MAPK10: variants seen among roughly 807,000 people sequenced by gnomAD.
MAPK10 encodes JNK3 alpha protein kinase.
Under a neutral mutation model 59.3 loss-of-function variants are expected in MAPK10, and 25 were observed. That is an observed-to-expected ratio of 0.42 (90% CI 0.31 to 0.59). The LOEUF is 0.59. Among genes scored for constraint, MAPK10 ranks in the 20% least tolerant of loss-of-function variants. MAPK10 has a pLI of 0.15. For missense variants in MAPK10, 351 were observed against 568.9 expected (o/e 0.62, Z 3.90); for synonymous variants, 190 against 200.5 (o/e 0.95, Z 0.44).
At chr4:86,103,078 T>G in intron 6 of MAPK10, 108 bp downstream of exon 6, 1 of 587,194 alleles carries the variant, frequency 1.7e-6, no homozygotes. Flanking sequence ...TTCAACTCTG[T>G]GTGTGTGTGT....
chr4:86,359,288 C>CTCTCTCTCTCTT (rs796310826), intron 1 of MAPK10, among the ~76,000 whole-genome samples: 1 of 94,608 alleles, frequency 1.1e-5, no homozygotes, highest in Non-Finnish European at 2.0e-5. Flanking sequence ...CTCTCTCTCT[C>CTCTCTCTCTCTT]TGTGTGTGTG....
chr4:86,575,184 ACTGATTCTCCC>A (rs773579251), intron 1 of MAPK10, among the ~76,000 whole-genome samples: 4 of 152,240 alleles, frequency 2.6e-5, no homozygotes, highest in Non-Finnish European at 5.9e-5. Flanking sequence ...TAAGATTCGC[ACTGATTCTCCC>A]CTGATTCTCA....
chr4:86,163,391 A>T (rs1350763107), intron 3 of MAPK10, among the ~76,000 whole-genome samples: 1 of 152,120 alleles, frequency 6.6e-6, no homozygotes, highest in Non-Finnish European at 1.5e-5. Context: ...TTTTTTCTTT[A>T]TAAAATGTGC....
chr4:86,335,978 G>A (rs1374860612), intron 2 of MAPK10, among the ~76,000 whole-genome samples: 1 of 152,102 alleles, frequency 6.6e-6, no homozygotes, highest in Non-Finnish European at 1.5e-5. Flanking sequence ...GGGACACAGA[G>A]CCCAACTGTA....
intron 1 of MAPK10, among the ~76,000 whole-genome samples, chr4:86,510,404 C>T (rs1273584877): frequency 6.6e-6 from 1 of 152,052 alleles, no homozygotes; most frequent in Non-Finnish European, 1.5e-5. Context: ...TGAGCCACCA[C>T]CCCTGGCCCA....
At chr4:86,035,178 C>T (rs1238029152) in intron 11 of MAPK10, among the ~76,000 whole-genome samples, 2 of 151,688 alleles carry the variant, frequency 1.3e-5, no homozygotes, top group Non-Finnish European at 2.9e-5. Context: ...CAAGACCAGC[C>T]TGGCCAACAT....
chr4:86,372,568 G>GAAAGAAAGAAAGAAAGA lies in MAPK10; in HGVS notation c.-121-17925_-121-17924insTCTTTCTTTCTTTCTTT, dbSNP rs1411901849. Among the ~76,000 whole-genome samples the GAAAGAAAGAAAGAAAGA allele has an allele frequency of 6.7e-3, 195 of 29,076 alleles. 5 individuals are homozygous for GAAAGAAAGAAAGAAAGA. The highest frequency in any genetic ancestry group is 0.015 in the Non-Finnish European group (139 of 9,098). The allele number at this position is 29,076 out of a possible 152,430, so 19.1% of individuals were successfully genotyped here. ...AGAAAGAAAGAAAGAAAGAAAGAAA[G>GAAAGAAAGAAAGAAAGA]AAAAGAAAAGAAAAGAAAAGAAAAG... is the stretch of plus-strand genomic sequence containing the variant. On this transcript the variant is annotated intron_variant, in intron 1 of 13. Coordinates refer to the MAPK10 transcript ENST00000361569.
chr4:86,390,470 A>T (rs1742051805), intron 1 of MAPK10, among the ~76,000 whole-genome samples: 1 of 152,206 alleles, frequency 6.6e-6, no homozygotes, highest in Non-Finnish European at 1.5e-5. Context: ...CTTGGGCAGG[A>T]TGCTACCTCT....
chr4:86,026,594 G>A (rs374603501), intron 13 of MAPK10: 10 of 152,214 alleles, frequency 6.6e-5, no homozygotes, highest in East Asian at 3.9e-4. Context: ...CATGGGTTTC[G>A]TATTAGAAGT....
chr4:86,155,485 TTAC>T (rs1269953492), intron 4 of MAPK10, among the ~76,000 whole-genome samples: 1 of 151,940 alleles, frequency 6.6e-6, no homozygotes, highest in Admixed American at 6.6e-5. Flanking sequence ...TACATATTCA[TTAC>T]AGTAGTACCC....
intron 1 of MAPK10, among the ~76,000 whole-genome samples, chr4:86,377,545 G>A (rs2148998253): frequency 6.6e-6 from 1 of 152,304 alleles, no homozygotes; most frequent in African/African-American, 2.4e-5. Context: ...CATGAGAGCA[G>A]GGACCTTTCT....
At chr4:86,298,505 G>A (rs540481610) in intron 2 of MAPK10, among the ~76,000 whole-genome samples, 24 of 152,292 alleles carry the variant, frequency 1.6e-4, no homozygotes, top group Admixed American at 5.9e-4. Context: ...AGTTCCTGAT[G>A]ATGCCTTCAC....
chr4:86,036,457 A>G (rs1480720020), intron 11 of MAPK10, among the ~76,000 whole-genome samples: 1 of 152,036 alleles, frequency 6.6e-6, no homozygotes, highest in Non-Finnish European at 1.5e-5. Flanking sequence ...TTCTCTATCT[A>G]GTTAAAGGAA....
intron 1 of MAPK10, among the ~76,000 whole-genome samples, chr4:86,542,832 T>C (rs1405048398): frequency 6.6e-6 from 1 of 152,188 alleles, no homozygotes; most frequent in Non-Finnish European, 1.5e-5. Context: ...GTTTTCCATC[T>C]TGTTTTCATG....
intron 1 of MAPK10, among the ~76,000 whole-genome samples, chr4:86,425,730 T>C (rs2149036916): frequency 6.6e-6 from 1 of 152,318 alleles, no homozygotes; most frequent in South Asian, 2.1e-4. Context: ...CCCAACACTT[T>C]GGGAGGCCAA....
At chr4:86,159,783 G>C (rs2068954868) in intron 3 of MAPK10, among the ~76,000 whole-genome samples, 1 of 151,814 alleles carries the variant, frequency 6.6e-6, no homozygotes, top group East Asian at 1.9e-4. Context: ...AACATCTATA[G>C]CTACTGAACA....
intron 9 of MAPK10, among the ~76,000 whole-genome samples, chr4:86,088,787 T>G (rs2149045277): frequency 6.6e-6 from 1 of 152,294 alleles, no homozygotes; most frequent in Admixed American, 6.5e-5. Flanking sequence ...AACATGAATC[T>G]GATAAAAATT....
At chr4:86,131,740 A>G (rs912558849) in intron 4 of MAPK10, among the ~76,000 whole-genome samples, 1 of 152,334 alleles carries the variant, frequency 6.6e-6, no homozygotes, top group African/African-American at 2.4e-5. Flanking sequence ...TTTACACTAA[A>G]TATTTTAAAA....
At chr4:86,520,338 T>C (rs1338434160) in intron 1 of MAPK10, among the ~76,000 whole-genome samples, 1 of 152,190 alleles carries the variant, frequency 6.6e-6, no homozygotes, top group Non-Finnish European at 1.5e-5. Context: ...CATTGTTGAA[T>C]TGAATTAACT....
Sources: gnomAD v4.1 joint callset for allele counts (sites outside exome capture counted in the v4.1 genomes callset) on GRCh38, gnomAD v4.1.1 for gene constraint, MANE v1.5 for transcripts, NCBI Gene and HGNC (gene_info 2026-07-23, HGNC 2026-07-21) for gene names.